The following STIMATE variants were observed in gnomAD, a reference collection of about 807,000 sequenced individuals.
STIMATE encodes STIM activating enhancer, also known as store-operated calcium entry regulator STIMATE.
A neutral mutation model predicts 36.7 loss-of-function variants in STIMATE; 15 were observed. That is an observed-to-expected ratio of 0.41 (90% CI 0.27 to 0.63). The LOEUF (loss-of-function observed/expected upper bound fraction) is 0.63, where lower values mean the gene tolerates loss of function less well. Among genes scored for constraint, STIMATE ranks in the 20% least tolerant of loss-of-function variants. STIMATE has a pLI of 0.32. For synonymous variants in STIMATE, 163 were observed against 162.3 expected, an observed-to-expected ratio of 1.00 and a Z score of -0.03; for missense variants, 305 against 397.3, an observed-to-expected ratio of 0.77 and a Z score of 1.98.
chr3:52,843,007 A>C, intron 6 of STIMATE, 47 bp from the exon 7 acceptor site: 1 of 1,612,660 alleles, frequency 6.2e-7, no homozygotes, highest in Non-Finnish European at 8.5e-7. Flanking sequence ...ACCATTTTTC[A>C]AAGCAAAGCC....
intron 1 of STIMATE, among the ~76,000 whole-genome samples, chr3:52,878,622 T>TA (rs996199616): frequency 6.6e-6 from 1 of 151,856 alleles, no homozygotes; most frequent in African/African-American, 2.4e-5. Flanking sequence ...TGACAAAGAC[T>TA]TTTCTCCCTG....
intron 1 of STIMATE, among the ~76,000 whole-genome samples, chr3:52,865,312 C>T (rs542655188): frequency 2.0e-5 from 3 of 152,308 alleles, no homozygotes; most frequent in African/African-American, 4.8e-5. Flanking sequence ...ACCCTCCAAA[C>T]TGTTCCAACT....
In STIMATE at chr3:52,868,020, G is replaced by C. The variant is rs542140289; in HGVS notation, c.161-12576C>G. ...CTCCAAATGGCAGAAACTGTCCTGA[G>C]GGGTGAGCAAATCTATCTGCTGGAG... On this transcript the variant is annotated intron_variant, in intron 1 of 7. Coordinates refer to ENST00000355083, the MANE Select transcript of STIMATE (RefSeq NM_198563.5). 5.9e-5 allele frequency among the ~76,000 whole-genome samples: 9 copies of C among 152,312 alleles called. No homozygotes were observed. The South Asian group carries it at 1.9e-3, about 32-fold the overall frequency.
At chr3:52,872,770 C>A (rs1172675326) in intron 1 of STIMATE, among the ~76,000 whole-genome samples, 1 of 152,186 alleles carries the variant, frequency 6.6e-6, no homozygotes, top group Non-Finnish European at 1.5e-5. Context: ...GGATTACAGG[C>A]ATGCACCACC....
rs531063034 is a variant in STIMATE, at chr3:52,860,448, G to GAGGACAGCAGGC, written c.161-5016_161-5005dup. Reference sequence around the variant, plus strand: ...GAAGAGCCGTCCAGGCAGAGGGCTGGAGGACAGCAGGCAGAACAGCAGGGC... The same window carrying GAGGACAGCAGGC: ...GAAGAGCCGTCCAGGCAGAGGGCTGGAGGACAGCAGGCAGGACAGCAGGCAGAACAGCAGGGC... On this transcript the variant is annotated intron_variant, in intron 1 of 7. Transcript: ENST00000355083. Among the ~76,000 whole-genome samples the GAGGACAGCAGGC allele has an allele frequency of 5.4e-3, 817 of 152,182 alleles. 76 individuals are homozygous for GAGGACAGCAGGC. In the South Asian group the frequency reaches 0.16, roughly 30 times the overall value.
In STIMATE at chr3:52,871,450, A is replaced by T. The variant is rs117223597; in HGVS notation, c.161-16006T>A. 7.1e-3 allele frequency among the ~76,000 whole-genome samples: 1,087 copies of T among 152,262 alleles called. 113 individuals carry two copies. In the South Asian group the frequency reaches 0.2, roughly 28 times the overall value. The stretch of plus-strand genomic sequence containing the variant: ...TCTCCCATCTTAGTGGGAGTTAGCC[A>T]GCACACGACCCTGGATTCCAAACCC... On this transcript the variant is annotated intron_variant, in intron 1 of 7. Coordinates refer to ENST00000355083, the MANE Select transcript of STIMATE (RefSeq NM_198563.5).
chr3:52,849,923 C>T lies in STIMATE; in HGVS notation c.306-10G>A, dbSNP rs1328732491. The T allele has an allele frequency of 6.2e-7, 1 of 1,612,486 alleles. No homozygotes were observed. The highest frequency in any genetic ancestry group is 8.5e-7 in the Non-Finnish European group (1 of 1,179,200). The stretch of plus-strand genomic sequence containing the variant: ...GAAGTTGATGAGGTACCTGTGAGGA[C>T]AGGGCACATGCATGGTCACGGCAGA... On this transcript the variant is annotated splice_polypyrimidine_tract_variant and intron_variant, in intron 3 of 7. Coordinates refer to ENST00000355083, the MANE Select transcript of STIMATE (RefSeq NM_198563.5).
At chr3:52,896,030 G>C in intron 1 of STIMATE, 1 of 1,038,752 alleles carries the variant, frequency 9.6e-7, no homozygotes, top group Non-Finnish European at 1.3e-6. Context: ...AAGAAAAAGT[G>C]GCAAACATAG....
At position 52,896,191 on chromosome 3, in the gene STIMATE, C is replaced by T. The variant is rs78124578; in HGVS notation, c.160+1100G>A. Reference sequence around the variant, plus strand: ...ACAAGCAAGGTGGCCACTCCAGCAACTGGACCCCACAAGACAAAGGCACAC... The same window carrying T: ...ACAAGCAAGGTGGCCACTCCAGCAATTGGACCCCACAAGACAAAGGCACAC... On this transcript the variant is annotated intron_variant, in intron 1 of 7. Transcript: ENST00000355083. Among the ~76,000 whole-genome samples the T allele has an allele frequency of 6.9e-3, 1,056 of 152,274 alleles. 6 individuals are homozygous for T. Among genetic ancestry groups the T allele is most frequent in the Middle Eastern group, 0.014 (4 of 294 alleles).
chr3:52,840,493 G>A lies in STIMATE; in HGVS notation c.*1C>T, dbSNP rs778847597. On this transcript the variant is annotated 3_prime_UTR_variant, in exon 8 of 8. Transcript: ENST00000355083. ...CCCGTCACCCCCAGCATGGGAATGT[G>A]TCATACGGGTAGCCCAAAGCGGTGC... The A allele has an allele frequency of 2.2e-5, 35 of 1,613,544 alleles. No homozygotes were observed. Among genetic ancestry groups the A allele is most frequent in the Non-Finnish European group, 2.5e-6 (3 of 1,179,760 alleles).
intron 5 of STIMATE, 80 bp downstream of exon 5, chr3:52,844,749 G>C (rs947730599): frequency 6.5e-7 from 1 of 1,533,518 alleles, no homozygotes; most frequent in African/African-American, 1.4e-5. Flanking sequence ...TTTTCCTAGA[G>C]TTGGCGTATG....
intron 1 of STIMATE, among the ~76,000 whole-genome samples, chr3:52,865,561 A>C (rs1048322596): frequency 3.3e-5 from 5 of 152,164 alleles, no homozygotes; most frequent in Non-Finnish European, 5.9e-5. Flanking sequence ...CAAAAGCAGA[A>C]ACCCCTGATA....
In STIMATE at chr3:52,836,755, A is replaced by C. The variant is rs978010570; in HGVS notation, c.*3739T>G. 18 of 363,840 alleles carry C rather than the reference A, an allele frequency of 4.9e-5. No homozygotes were observed. The East Asian group carries it at 1.2e-3, about 24-fold the overall frequency. 22.5% of individuals were successfully genotyped at this position (363,840 alleles called of 1,614,324 possible). A position where few individuals can be genotyped will look rare whatever the true frequency, so the allele number is the denominator to read the frequency against. The stretch of plus-strand genomic sequence containing the variant: ...TGGTTTCTTTTTAAAAAAAACTGTA[A>C]TAAGATGCCAAACTTTATTGTAAAC... On this transcript the variant is annotated 3_prime_UTR_variant, in exon 8 of 8. Transcript: ENST00000355083.
intron 1 of STIMATE, among the ~76,000 whole-genome samples, chr3:52,881,200 T>A (rs375977191): frequency 5.1e-4 from 75 of 147,844 alleles, no homozygotes; most frequent in African/African-American, 1.8e-3. Flanking sequence ...GAGAAACTCT[T>A]GTCTCAAAAA....
Position 52,837,870 on chromosome 3 carries a change from C to T in STIMATE, c.*2624G>A, listed in dbSNP as rs547983900. 6.6e-5 allele frequency: 10 copies of T among 152,316 alleles called. No homozygotes were observed. Among genetic ancestry groups the T allele is most frequent in the Middle Eastern group, 6.8e-3 (2 of 294 alleles). The allele number at this position is 152,316 out of a possible 1,614,324, so 9.4% of individuals were successfully genotyped here. On this transcript the variant is annotated 3_prime_UTR_variant, in exon 8 of 8. Coordinates refer to ENST00000355083, the MANE Select transcript of STIMATE (RefSeq NM_198563.5). ...CTCATCCCAGGGAGGGAGGGCAGCTCGGGAGGAAGTCCTGACCACAGCCCT... is the reference window on the plus strand; with the variant it reads ...CTCATCCCAGGGAGGGAGGGCAGCTTGGGAGGAAGTCCTGACCACAGCCCT...
Position 52,840,525 on chromosome 3 carries a change from T to C in STIMATE, c.854A>G (p.Lys285Arg). Residue 285 changes from lysine to arginine, a missense_variant, in exon 8 of 8, where the codon AAA becomes AGA. By Grantham distance (26) the Lys-to-Arg change is conservative. Coordinates refer to ENST00000355083, the MANE Select transcript of STIMATE (RefSeq NM_198563.5). ...RRLTPLKPVK[K>R]KKHRFGLPV ...GGGTAGCCCAAAGCGGTGCTTCTTTTTCTTCACAGGCTTGAGGGGGGTCAG... is the reference window on the plus strand; with the variant it reads ...GGGTAGCCCAAAGCGGTGCTTCTTTCTCTTCACAGGCTTGAGGGGGGTCAG... The C allele has an allele frequency of 6.2e-7, 1 of 1,614,024 alleles. No homozygotes were observed. Among genetic ancestry groups the C allele is most frequent in the Non-Finnish European group, 8.5e-7 (1 of 1,179,954 alleles).
intron 1 of STIMATE, among the ~76,000 whole-genome samples, chr3:52,860,720 A>G (rs1173552029): frequency 1.3e-5 from 2 of 152,238 alleles, no homozygotes; most frequent in Non-Finnish European, 2.9e-5. Flanking sequence ...AGAGGGGAGA[A>G]GAGGTCAGAT....
At chr3:52,875,962 C>G (rs1701497937) in intron 1 of STIMATE, among the ~76,000 whole-genome samples, 1 of 152,208 alleles carries the variant, frequency 6.6e-6, no homozygotes, top group African/African-American at 2.4e-5. Flanking sequence ...AGGACAGGCT[C>G]ACCTGACATG....
intron 1 of STIMATE, among the ~76,000 whole-genome samples, chr3:52,896,468 C>G (rs530806949): frequency 1.8e-4 from 27 of 152,160 alleles, no homozygotes; most frequent in Non-Finnish European, 3.2e-4. Flanking sequence ...GAAGCCCCCC[C>G]CCACCCCCCA....
Sources: gnomAD v4.1 joint callset for allele counts (sites outside exome capture counted in the v4.1 genomes callset) on GRCh38, gnomAD v4.1.1 for gene constraint, MANE v1.5 for transcripts, NCBI Gene and HGNC (gene_info 2026-07-23, HGNC 2026-07-21) for gene names.